The following TSPEAR variants were observed in gnomAD, a reference collection of about 807,000 sequenced individuals.
TSPEAR encodes the protein thrombospondin type laminin G domain and EAR repeats, also known as thrombospondin-type laminin G domain and EAR repeat-containing protein.
In TSPEAR, 69 loss-of-function variants were observed where a neutral mutation model predicts 71.6. That is an observed-to-expected ratio of 0.96 (90% CI 0.79 to 1.18). The LOEUF (loss-of-function observed/expected upper bound fraction) is 1.18, where lower values mean the gene tolerates loss of function less well. TSPEAR is among the 50% of genes most tolerant of loss of function. TSPEAR has a pLI of 0.00. For synonymous variants in TSPEAR, 402 were observed against 387.2 expected, an observed-to-expected ratio of 1.04 and a Z score of -0.45; for missense variants, 971 against 894.9, an observed-to-expected ratio of 1.09 and a Z score of -1.09.
At chr21:44,532,730 C>T (rs1201293891) in intron 3 of TSPEAR, among the ~76,000 whole-genome samples, 1 of 152,154 alleles carries the variant, frequency 6.6e-6, no homozygotes, top group Non-Finnish European at 1.5e-5. Flanking sequence ...CATGGGTAAC[C>T]AACTGGCCGA....
At chr21:44,634,170 G>A (rs1332980886) in intron 1 of TSPEAR, among the ~76,000 whole-genome samples, 3 of 152,302 alleles carry the variant, frequency 2.0e-5, no homozygotes, top group Non-Finnish European at 4.4e-5. Flanking sequence ...GATCACTTAA[G>A]TCCAGGAGTT....
chr21:44,708,357 TC>T (rs1988048629), intron 1 of TSPEAR, among the ~76,000 whole-genome samples: 1 of 152,042 alleles, frequency 6.6e-6, no homozygotes, highest in African/African-American at 2.4e-5. Flanking sequence ...CACACAGCCT[TC>T]CAGGAGCGGA....
At chr21:44,541,209 C>T (rs1281903843) in intron 2 of TSPEAR, among the ~76,000 whole-genome samples, 4 of 152,128 alleles carry the variant, frequency 2.6e-5, no homozygotes, top group African/African-American at 9.7e-5. Flanking sequence ...TCTTCAAAGG[C>T]CTAAAATCAT....
chr21:44,574,146 T>A lies in TSPEAR; in HGVS notation c.83-6141A>T, dbSNP rs200894020. The stretch of plus-strand genomic sequence containing the variant: ...GCCTGTGTGCTGTGTGCCCGTCTGC[T>A]GTGGGGATTCTTCATGCTGCCAGCA... On this transcript the variant is annotated intron_variant, in intron 1 of 11. Coordinates refer to ENST00000323084, the MANE Select transcript of TSPEAR (RefSeq NM_144991.3). 3.9e-4 allele frequency: 625 copies of A among 1,592,020 alleles called. No homozygotes were observed. Among genetic ancestry groups the A allele is most frequent in the African/African-American group, 2.2e-3 (159 of 70,716 alleles).
At chr21:44,504,070 G>T (rs1256628142) in intron 11 of TSPEAR, among the ~76,000 whole-genome samples, 2 of 145,730 alleles carry the variant, frequency 1.4e-5, no homozygotes, top group South Asian at 2.2e-4. Context: ...GTGAGCCCTT[G>T]GGGGGAAGCT....
intron 1 of TSPEAR, among the ~76,000 whole-genome samples, chr21:44,616,100 C>T (rs1601490037): frequency 6.6e-6 from 1 of 152,038 alleles, no homozygotes; most frequent in Non-Finnish European, 1.5e-5. Context: ...TGCAGCGTGT[C>T]GGCGGGCACC....
chr21:44,513,903 G>A (rs587721919), intron 9 of TSPEAR, among the ~76,000 whole-genome samples: 4 of 152,254 alleles, frequency 2.6e-5, no homozygotes, highest in South Asian at 2.1e-4. Context: ...CAAGCATCCC[G>A]GGTGGCCATG....
At chr21:44,555,092 G>A (rs187006492) in intron 2 of TSPEAR, among the ~76,000 whole-genome samples, 56 of 152,252 alleles carry the variant, frequency 3.7e-4, no homozygotes, top group African/African-American at 8.2e-4. Flanking sequence ...AAAACAAACC[G>A]TGGTGGATAT....
In TSPEAR at chr21:44,533,951, G is replaced by A. The variant is rs371052399; in HGVS notation, c.304-28C>T. On this transcript the variant is annotated intron_variant, in intron 2 of 11. Coordinates refer to ENST00000323084, the MANE Select transcript of TSPEAR (RefSeq NM_144991.3). ...GTGGAGAGCGGGCCAGGCTCAGGAC[G>A]GGGCTGGGGGTAGGGGTCGGGTGCG... 5.9e-5 allele frequency: 93 copies of A among 1,569,154 alleles called. No homozygotes were observed. In the Middle Eastern group the frequency reaches 2.2e-3, roughly 38 times the overall value.
rs1399669837 is a variant in TSPEAR at position 44,635,233 on chromosome 21, C to T, written c.83-67228G>A. Among the ~76,000 whole-genome samples the T allele has an allele frequency of 8.7e-5, 13 of 150,022 alleles. No homozygotes were observed. The East Asian group carries it at 1.4e-3, about 16-fold the overall frequency. The stretch of plus-strand genomic sequence containing the variant: ...TGGTGGTGCGCACCTGTAATCCCAG[C>T]TACTTGGGAGGCTGAGGCAGGAGAA... On this transcript the variant is annotated intron_variant, in intron 1 of 11. Coordinates refer to ENST00000323084, the MANE Select transcript of TSPEAR (RefSeq NM_144991.3).
chr21:44,529,387 G>C (rs911632873), intron 5 of TSPEAR, among the ~76,000 whole-genome samples: 2 of 152,248 alleles, frequency 1.3e-5, no homozygotes, highest in Admixed American at 1.3e-4. Context: ...CGACTGGGGC[G>C]GGCTGGTCTG....
chr21:44,627,628 C>T (rs1331991026), intron 1 of TSPEAR: 13 of 1,612,110 alleles, frequency 8.1e-6, no homozygotes, highest in Non-Finnish European at 1.1e-5. Context: ...GTGCTGTGCG[C>T]CCACCTGCTC....
chr21:44,697,355 T>C (rs568410632), intron 1 of TSPEAR: 2 of 1,613,288 alleles, frequency 1.2e-6, no homozygotes, highest in Admixed American at 3.3e-5. Context: ...GAGCCTGGTC[T>C]GCACCCCAGT....
rs782173139 is a variant in TSPEAR, at chr21:44,654,467, A to T, written c.82+56966T>A. 3.5e-5 allele frequency: 56 copies of T among 1,613,850 alleles called. No individual in the cohort carries two copies. Among genetic ancestry groups the T allele is most frequent in the Middle Eastern group, 1.6e-4 (1 of 6,066 alleles). ...GGCTGGCAGCAGGTGGATACCCCAC[A>T]CAGGGGCCGGCACAGCAGAGCCACA... On this transcript the variant is annotated intron_variant, in intron 1 of 11. Transcript: ENST00000323084.
chr21:44,500,587 G>A (rs963263086), intron 11 of TSPEAR, among the ~76,000 whole-genome samples: 10 of 152,222 alleles, frequency 6.6e-5, no homozygotes, highest in African/African-American at 2.2e-4. Flanking sequence ...TGGAAAAACC[G>A]TGGTGGCTTC....
At position 44,707,360 on chromosome 21, in the gene TSPEAR, G is replaced by A. The variant is rs549850832; in HGVS notation, c.82+4073C>T. 2.7e-3 allele frequency among the ~76,000 whole-genome samples: 417 copies of A among 152,212 alleles called. 3 individuals are homozygous for A. The highest frequency in any genetic ancestry group is 9.3e-3 in the African/African-American group (388 of 41,514). On this transcript the variant is annotated intron_variant, in intron 1 of 11. Coordinates refer to ENST00000323084, the MANE Select transcript of TSPEAR (RefSeq NM_144991.3). ...CGGAAGGGTGAGGGGTAGTGGCAGA[G>A]GCGGAGGCCGAGGCCACGCAGCTGC... is the stretch of plus-strand genomic sequence containing the variant.
At chr21:44,667,046 T>C (rs1985822193) in intron 1 of TSPEAR, 1 of 862,658 alleles carries the variant, frequency 1.2e-6, no homozygotes, top group South Asian at 1.8e-5. Flanking sequence ...GAGCTTAATT[T>C]TCTGTTGTAG....
At chr21:44,534,536 G>A (rs969252083) in intron 2 of TSPEAR, among the ~76,000 whole-genome samples, 5 of 151,900 alleles carry the variant, frequency 3.3e-5, no homozygotes, top group Non-Finnish European at 4.4e-5. Flanking sequence ...CAAGGCTGGC[G>A]CCAGGCCGTA....
chr21:44,580,623 G>A (rs1978905108), intron 1 of TSPEAR: 1 of 1,565,874 alleles, frequency 6.4e-7, no homozygotes. Flanking sequence ...GGAGGTGTGA[G>A]TGAGTGAGTG....
Sources: gnomAD v4.1 joint callset for allele counts (sites outside exome capture counted in the v4.1 genomes callset) on GRCh38, gnomAD v4.1.1 for gene constraint, MANE v1.5 for transcripts, NCBI Gene and HGNC (gene_info 2026-07-23, HGNC 2026-07-21) for gene names.